COBL: variants seen among roughly 807,000 people sequenced by gnomAD.
COBL encodes the protein cordon-bleu WH2 repeat protein, also known as protein cordon-bleu.
Under a neutral mutation model 98.8 loss-of-function variants are expected in COBL, and 51 were observed. That is an observed-to-expected ratio of 0.52 (90% CI 0.41 to 0.65). COBL has a LOEUF of 0.65. Ranked by LOEUF, COBL falls within the 30% of genes least tolerant of loss-of-function variation. COBL has a pLI of 0.00. For synonymous variants in COBL, 634 were observed against 651.7 expected (o/e 0.97, Z 0.41); for missense variants, 1,617 against 1,617.5 (o/e 1.00, Z 0.01).
intron 1 of COBL, among the ~76,000 whole-genome samples, chr7:51,242,747 G>T (rs1375530267): frequency 6.6e-6 from 1 of 152,166 alleles, no homozygotes; most frequent in Non-Finnish European, 1.5e-5. Context: ...CTGAGAATTG[G>T]GCCCTGGAAG....
chr7:51,144,587 T>C (rs552170805), intron 5 of COBL, among the ~76,000 whole-genome samples: 1 of 152,326 alleles, frequency 6.6e-6, no homozygotes, highest in South Asian at 2.1e-4. Flanking sequence ...AAGCATACAA[T>C]CCGTGGTGTT....
In COBL at chr7:51,257,893, T is replaced by G. The variant is rs189759420; in HGVS notation, c.42-37949A>C. 4.6e-5 allele frequency among the ~76,000 whole-genome samples: 7 copies of G among 152,292 alleles called. No individual in the cohort carries two copies. In the East Asian group the frequency reaches 1.4e-3, roughly 29 times the overall value. On this transcript the variant is annotated intron_variant, in intron 1 of 12. Transcript: ENST00000265136. ...CTTCCCTGTCTATTCCTATAAGACC[T>G]GCAAGCAGGTATTGATAATCAATGA...
At chr7:51,301,524 G>C (rs1039910226) in intron 1 of COBL, among the ~76,000 whole-genome samples, 12 of 152,178 alleles carry the variant, frequency 7.9e-5, no homozygotes, top group Non-Finnish European at 1.5e-4. Flanking sequence ...CCTACCAGCC[G>C]TCCCTGCCGG....
intron 7 of COBL, among the ~76,000 whole-genome samples, chr7:51,079,943 TA>T (rs1281994603): frequency 1.3e-5 from 2 of 152,248 alleles, no homozygotes; most frequent in Non-Finnish European, 2.9e-5. Context: ...TTGTTCCAGG[TA>T]AATGTGGTTT....
At chr7:51,145,611 T>C (rs1038073616) in intron 5 of COBL, among the ~76,000 whole-genome samples, 18 of 152,000 alleles carry the variant, frequency 1.2e-4, no homozygotes, top group Non-Finnish European at 2.4e-4. Flanking sequence ...ACTCCTGACC[T>C]CAGGTGATCT....
chr7:51,059,737 C>T (rs897179219), intron 7 of COBL, among the ~76,000 whole-genome samples: 2 of 152,284 alleles, frequency 1.3e-5, no homozygotes, highest in Middle Eastern at 3.4e-3. Flanking sequence ...CTCCCAGCTA[C>T]CCCGCCACTG....
At chr7:51,117,198 CTTAT>C (rs199942176) in intron 6 of COBL, among the ~76,000 whole-genome samples, 1 of 124,232 alleles carries the variant, frequency 8.0e-6, no homozygotes, top group African/African-American at 3.0e-5. Flanking sequence ...CAGTTTTCTT[CTTAT>C]TTATTTTGAT....
At chr7:51,151,351 G>A (rs1013513676) in intron 5 of COBL, among the ~76,000 whole-genome samples, 5 of 152,170 alleles carry the variant, frequency 3.3e-5, no homozygotes, top group East Asian at 1.9e-4. Flanking sequence ...TTGAGTTCCC[G>A]TGCCCTGGGA....
intron 10 of COBL, 148 bp downstream of exon 10, chr7:51,027,564 A>C: frequency 1.5e-6 from 1 of 684,648 alleles, no homozygotes; most frequent in Non-Finnish European, 2.5e-6. Context: ...TATGATGGGA[A>C]TTCTAGTTAA....
chr7:51,181,697 T>A lies in COBL; in HGVS notation c.783+2405A>T, dbSNP rs10255983. Among the ~76,000 whole-genome samples, 554 of 152,334 alleles carry A rather than the reference T, an allele frequency of 3.6e-3. 4 individuals are homozygous for A. Among genetic ancestry groups the A allele is most frequent in the African/African-American group, 0.013 (533 of 41,580 alleles). ...TCAGTTTCTTTCTTTAGGTTGACAATGGTGAAAAACAGCCCCTTGCAATCC... is the reference window on the plus strand; with the variant it reads ...TCAGTTTCTTTCTTTAGGTTGACAAAGGTGAAAAACAGCCCCTTGCAATCC... On this transcript the variant is annotated intron_variant, in intron 5 of 12. Transcript: ENST00000265136.
chr7:51,200,963 C>T (rs966041395), intron 2 of COBL, among the ~76,000 whole-genome samples: 2 of 151,884 alleles, frequency 1.3e-5, no homozygotes, highest in Admixed American at 6.6e-5. Flanking sequence ...GAAAGGAGCC[C>T]GGCATGGTGG....
chr7:51,054,226 A>G (rs1169351430), intron 7 of COBL, among the ~76,000 whole-genome samples: 1 of 152,148 alleles, frequency 6.6e-6, no homozygotes, highest in African/African-American at 2.4e-5. Flanking sequence ...CATAAAAAGG[A>G]AACTTTTCGC....
intron 5 of COBL, among the ~76,000 whole-genome samples, chr7:51,167,294 T>C (rs756603262): frequency 6.6e-6 from 1 of 152,162 alleles, no homozygotes; most frequent in Non-Finnish European, 1.5e-5. Context: ...AGCATTTCTA[T>C]ATGCCAACAG....
intron 2 of COBL, among the ~76,000 whole-genome samples, chr7:51,199,531 A>C (rs948346193): frequency 6.6e-6 from 1 of 152,246 alleles, no homozygotes; most frequent in Non-Finnish European, 1.5e-5. Flanking sequence ...CATCTTAAAG[A>C]AGCTCAATGA....
intron 5 of COBL, among the ~76,000 whole-genome samples, chr7:51,176,199 C>T (rs1234107019): frequency 6.6e-6 from 1 of 152,102 alleles, no homozygotes; most frequent in Non-Finnish European, 1.5e-5. Flanking sequence ...TAAATCATAA[C>T]CTTGGTTAAG....
chr7:51,238,016 AG>A (rs1343121436), intron 1 of COBL, among the ~76,000 whole-genome samples: 4 of 152,180 alleles, frequency 2.6e-5, no homozygotes, highest in Non-Finnish European at 4.4e-5. Context: ...CAGGTACCAA[AG>A]GGGAACGAAG....
intron 1 of COBL, among the ~76,000 whole-genome samples, chr7:51,307,924 A>T (rs996201006): frequency 3.9e-5 from 6 of 152,196 alleles, no homozygotes; most frequent in Admixed American, 2.0e-4. Context: ...CACTCTTCCT[A>T]CGTGTGATGT....
At chr7:51,055,673 G>A (rs1215721185) in intron 7 of COBL, among the ~76,000 whole-genome samples, 4 of 152,162 alleles carry the variant, frequency 2.6e-5, no homozygotes, top group Non-Finnish European at 4.4e-5. Context: ...TGCTGCTGCC[G>A]GCCGGCCGGC....
At chr7:51,128,863 A>G (rs963124190) in intron 6 of COBL, among the ~76,000 whole-genome samples, 1 of 152,198 alleles carries the variant, frequency 6.6e-6, no homozygotes, top group Admixed American at 6.5e-5. Flanking sequence ...GCAAACTGCA[A>G]ATGGGCCTGC....
Sources: gnomAD v4.1 joint callset for allele counts (sites outside exome capture counted in the v4.1 genomes callset) on GRCh38, gnomAD v4.1.1 for gene constraint, MANE v1.5 for transcripts, NCBI Gene and HGNC (gene_info 2026-07-23, HGNC 2026-07-21) for gene names.